Variants in SCN10A observed in about 807,000 individuals in gnomAD.
SCN10A encodes the protein sodium voltage-gated channel alpha subunit 10, also known as sodium channel protein type 10 subunit alpha.
A neutral mutation model predicts 170.7 loss-of-function variants in SCN10A; 162 were observed. That is an observed-to-expected ratio of 0.95 (90% CI 0.84 to 1.08). The LOEUF is 1.08. Among genes scored for constraint, SCN10A ranks in the 50% least tolerant of loss-of-function variants. The pLI, the probability that SCN10A is intolerant of heterozygous loss-of-function variation, is 0.00. For missense variants in SCN10A, 2,527 were observed against 2,436.9 expected (o/e 1.04, Z -0.78); for synonymous variants, 985 against 904.6 (o/e 1.09, Z -1.59).
At chr3:38,807,520 C>T (rs528201925) in intron 1 of SCN10A, among the ~76,000 whole-genome samples, 96 of 152,188 alleles carry the variant, frequency 6.3e-4, no homozygotes, top group East Asian at 2.5e-3. Context: ...CATGACTGGC[C>T]GCTCTATTTT....
intron 2 of SCN10A, among the ~76,000 whole-genome samples, chr3:38,792,648 A>T (rs2064298026): frequency 6.6e-6 from 1 of 152,178 alleles, no homozygotes; most frequent in Non-Finnish European, 1.5e-5. Context: ...AACTCTTGGC[A>T]TGGGAGAGGA....
chr3:38,699,798 T>C (rs368680871), intron 27 of SCN10A, among the ~76,000 whole-genome samples: 20 of 152,278 alleles, frequency 1.3e-4, no homozygotes, highest in African/African-American at 4.8e-4. Context: ...GGGAGAATGG[T>C]TCCTCGTACT....
intron 21 of SCN10A, 98 bp from the exon 22 acceptor site, chr3:38,714,178 C>CACGT (rs1258039009): frequency 2.1e-6 from 3 of 1,447,434 alleles, no homozygotes; most frequent in Non-Finnish European, 2.9e-6. Context: ...CCCATTCCTA[C>CACGT]ACGTCTAAGC....
At chr3:38,763,644 G>A (rs571202836) in intron 5 of SCN10A, 48 bp from the exon 6 acceptor site, 1 of 1,366,426 alleles carries the variant, frequency 7.3e-7, no homozygotes, top group African/African-American at 1.4e-5. Context: ...AGGGTCCTGG[G>A]GATGCATGCA....
intron 13 of SCN10A, among the ~76,000 whole-genome samples, chr3:38,748,062 G>T (rs1374106423): frequency 6.6e-6 from 1 of 152,040 alleles, no homozygotes; most frequent in Non-Finnish European, 1.5e-5. Context: ...GAGAATAAAT[G>T]AAAGAAGAGA....
intron 5 of SCN10A, among the ~76,000 whole-genome samples, chr3:38,767,215 A>T (rs920361983): frequency 6.6e-6 from 1 of 151,106 alleles, no homozygotes; most frequent in Non-Finnish European, 1.5e-5. Context: ...TTGTATTATT[A>T]TTATTTTTAT....
At chr3:38,811,809 G>A (rs1010414467) in intron 1 of SCN10A, among the ~76,000 whole-genome samples, 1 of 152,154 alleles carries the variant, frequency 6.6e-6, no homozygotes, top group African/African-American at 2.4e-5. Context: ...AATTTCCCCA[G>A]GATTCCCTTT....
intron 4 of SCN10A, among the ~76,000 whole-genome samples, chr3:38,776,092 C>A (rs559347626): frequency 2.8e-4 from 42 of 152,106 alleles, no homozygotes; most frequent in African/African-American, 1.0e-3. Context: ...CATTACTTGA[C>A]AAAAACGTTA....
chr3:38,785,011 T>G (rs2064180833), intron 4 of SCN10A, among the ~76,000 whole-genome samples: 1 of 152,204 alleles, frequency 6.6e-6, no homozygotes, highest in Non-Finnish European at 1.5e-5. Context: ...AAACATTCCA[T>G]GCTCATGGAT....
Position 38,701,861 on chromosome 3 carries a change from A to G in SCN10A, c.4635T>C (p.Ile1545=). Residue 1545 remains isoleucine (I), a synonymous_variant, in exon 27 of 28, where the codon ATT becomes ATC. Coordinates refer to ENST00000449082, the MANE Select transcript of SCN10A (RefSeq NM_006514.4). ...FTNGWNVFDF[I]VVVLSIASLI... ...TACTCGCAATGGAGAGAACCACCACAATGAAGTCAAACACATTCCAGCCAT... is the reference window on the plus strand; with the variant it reads ...TACTCGCAATGGAGAGAACCACCACGATGAAGTCAAACACATTCCAGCCAT... 1 of 1,611,694 alleles carries G rather than the reference A, an allele frequency of 6.2e-7. No individual in the cohort carries two copies. Among genetic ancestry groups the G allele is most frequent in the Non-Finnish European group, 8.5e-7 (1 of 1,178,804 alleles).
chr3:38,772,667 T>C (rs577045354), intron 4 of SCN10A, among the ~76,000 whole-genome samples: 1 of 150,346 alleles, frequency 6.7e-6, no homozygotes, highest in African/African-American at 2.5e-5. Context: ...CCAGTCTGGG[T>C]GACAGAGCAA....
At chr3:38,701,477 G>T (rs1470108087) in intron 27 of SCN10A, among the ~76,000 whole-genome samples, 1 of 152,118 alleles carries the variant, frequency 6.6e-6, no homozygotes, top group Non-Finnish European at 1.5e-5. Flanking sequence ...CCTGCCCCCT[G>T]CTTTCAAGAC....
chr3:38,702,903 C>T (rs1392058576), intron 26 of SCN10A, among the ~76,000 whole-genome samples: 9 of 152,166 alleles, frequency 5.9e-5, no homozygotes, highest in Admixed American at 5.9e-4. Context: ...TCTTTTAGTG[C>T]TGTGAACATC....
At chr3:38,775,608 T>C (rs962746826) in intron 4 of SCN10A, among the ~76,000 whole-genome samples, 7 of 152,182 alleles carry the variant, frequency 4.6e-5, no homozygotes, top group African/African-American at 1.4e-4. Flanking sequence ...CTTTTAAAAT[T>C]AGCTTCATGA....
At chr3:38,714,772 T>C (rs982873206) in intron 21 of SCN10A, among the ~76,000 whole-genome samples, 1 of 152,200 alleles carries the variant, frequency 6.6e-6, no homozygotes, top group Admixed American at 6.5e-5. Flanking sequence ...CCCCTTTTGG[T>C]CTGTCAGTTT....
chr3:38,737,426 C>T (rs2126010389), intron 15 of SCN10A, among the ~76,000 whole-genome samples: 1 of 152,150 alleles, frequency 6.6e-6, no homozygotes, highest in Admixed American at 6.5e-5. Context: ...GAAATCTGTC[C>T]TTCTAAAAAT....
intron 12 of SCN10A, among the ~76,000 whole-genome samples, chr3:38,751,952 G>A (rs1398058689): frequency 6.6e-6 from 1 of 152,118 alleles, no homozygotes; most frequent in African/African-American, 2.4e-5. Context: ...GGACAGAGAA[G>A]CACTGATAAG....
At chr3:38,803,526 C>T (rs908835863) in intron 1 of SCN10A, among the ~76,000 whole-genome samples, 6 of 151,948 alleles carry the variant, frequency 3.9e-5, no homozygotes, top group African/African-American at 1.5e-4. Context: ...TGGAAACCAT[C>T]ATTCTCAGCA....
At chr3:38,707,864 C>A (rs1229946423) in intron 25 of SCN10A, among the ~76,000 whole-genome samples, 1 of 152,166 alleles carries the variant, frequency 6.6e-6, no homozygotes, top group African/African-American at 2.4e-5. Context: ...CAATTACTGC[C>A]TTATCCTTGG....
Sources: allele counts gnomAD v4.1 joint callset (sites outside exome capture counted in the v4.1 genomes callset), GRCh38; gene constraint gnomAD v4.1.1; transcripts MANE v1.5; gene names NCBI Gene and HGNC (gene_info 2026-07-23, HGNC 2026-07-21).